NCEH1: variants seen among roughly 807,000 people sequenced by gnomAD.
NCEH1 encodes 2-acetyl MAGE hydrolase.
In NCEH1, 9 loss-of-function variants were observed where a neutral mutation model predicts 25.4. That is an observed-to-expected ratio of 0.35 (90% CI 0.21 to 0.62). NCEH1 has a LOEUF of 0.62. Among genes scored for constraint, NCEH1 ranks in the 20% least tolerant of loss-of-function variants. The pLI, the probability that NCEH1 is intolerant of heterozygous loss-of-function variation, is 0.72. For synonymous variants in NCEH1, 200 were observed against 199.8 expected, an observed-to-expected ratio of 1.00 and a Z score of -0.01; for missense variants, 412 against 501.1, an observed-to-expected ratio of 0.82 and a Z score of 1.70.
intron 1 of NCEH1, among the ~76,000 whole-genome samples, chr3:172,667,809 A>C (rs1246294184): frequency 1.3e-5 from 2 of 152,124 alleles, no homozygotes; most frequent in African/African-American, 2.4e-5. Flanking sequence ...AAAGCAACTC[A>C]TTTTCTTTTA....
intron 1 of NCEH1, among the ~76,000 whole-genome samples, chr3:172,708,136 T>C: frequency 8.6e-6 from 1 of 115,968 alleles, no homozygotes; most frequent in East Asian, 3.7e-4. Flanking sequence ...TCTGACTCAC[T>C]GCACAAGATA....
At chr3:172,641,835 A>T (rs1716865847) in intron 3 of NCEH1, among the ~76,000 whole-genome samples, 1 of 152,116 alleles carries the variant, frequency 6.6e-6, no homozygotes, top group Non-Finnish European at 1.5e-5. Flanking sequence ...GGTTCTGCTC[A>T]TTCTTAGGGG....
At chr3:172,656,127 T>C (rs1470351878) in intron 1 of NCEH1, among the ~76,000 whole-genome samples, 1 of 152,122 alleles carries the variant, frequency 6.6e-6, no homozygotes, top group Non-Finnish European at 1.5e-5. Flanking sequence ...AAAATCATAT[T>C]GTAATGGGTT....
At chr3:172,701,131 C>T (rs1017985991) in intron 1 of NCEH1, among the ~76,000 whole-genome samples, 1 of 152,192 alleles carries the variant, frequency 6.6e-6, no homozygotes, top group African/African-American at 2.4e-5. Flanking sequence ...CAGCCCAGCT[C>T]TGTCTCCTGA....
At chr3:172,678,504 T>C (rs140516913) in intron 1 of NCEH1, among the ~76,000 whole-genome samples, 54 of 152,324 alleles carry the variant, frequency 3.5e-4, no homozygotes, top group African/African-American at 1.2e-3. Flanking sequence ...AAACGTTTAG[T>C]CTATTGAAAG....
rs1481559779 is a variant in NCEH1, at chr3:172,632,671, C to G, written c.*804G>C. 1 of 152,328 alleles carries G rather than the reference C, an allele frequency of 6.6e-6. No individual in the cohort carries two copies. Among genetic ancestry groups the G allele is most frequent in the Admixed American group, 6.5e-5 (1 of 15,278 alleles). The allele number at this position is 152,328 out of a possible 1,614,324, so 9.4% of individuals were successfully genotyped here. On this transcript the variant is annotated 3_prime_UTR_variant, in exon 5 of 5. Transcript: ENST00000475381. The stretch of plus-strand genomic sequence containing the variant: ...AGGTTGTTTCATTTGTCTGTTTTTA[C>G]TTGCTCTATAATGAAAAGTTTACTC...
chr3:172,634,051 T>G lies in NCEH1; in HGVS notation c.651A>C (p.Gln217His). The change falls in exon 5 of 5, where the codon CAA (glutamine) becomes CAC (histidine). Residue 217 changes from glutamine (Q) to histidine (H), a missense_variant. Coordinates refer to ENST00000475381, the MANE Select transcript of NCEH1 (RefSeq NM_020792.6). ...DASLKNKLKL[Q>H]ALIYPVLQAL... The stretch of plus-strand genomic sequence containing the variant: ...CTTGAAGAACTGGATAAATTAAAGC[T>G]TGTAGTTTGAGCTTATTTTTTAGGC... 1 of 1,614,046 alleles carries G rather than the reference T, an allele frequency of 6.2e-7. No individual in the cohort carries two copies. Among genetic ancestry groups the G allele is most frequent in the South Asian group, 1.1e-5 (1 of 91,038 alleles).
At chr3:172,681,500 T>C (rs1712373963) in intron 1 of NCEH1, among the ~76,000 whole-genome samples, 1 of 151,990 alleles carries the variant, frequency 6.6e-6, no homozygotes, top group Admixed American at 6.6e-5. Context: ...GATTGCAAAT[T>C]GAGGCCTTTA....
chr3:172,633,459 T>C lies in NCEH1; in HGVS notation c.*16A>G. 3.7e-6 allele frequency: 6 copies of C among 1,604,522 alleles called. No homozygotes were observed. Among genetic ancestry groups the C allele is most frequent in the Non-Finnish European group, 5.1e-6 (6 of 1,174,252 alleles). ...GAGGTCAAGAGGGGCTCGAGGCTTC[T>C]GGAAGTTTTGCTCCTTTACAGGTTT... On this transcript the variant is annotated 3_prime_UTR_variant, in exon 5 of 5. Transcript: ENST00000475381.
chr3:172,679,917 G>A (rs905654907), intron 1 of NCEH1, among the ~76,000 whole-genome samples: 30 of 152,032 alleles, frequency 2.0e-4, no homozygotes, highest in Non-Finnish European at 3.4e-4. Flanking sequence ...CAGGCTACGT[G>A]AATGACACAC....
intron 1 of NCEH1, among the ~76,000 whole-genome samples, chr3:172,650,014 G>A (rs1006412970): frequency 3.9e-5 from 6 of 152,148 alleles, no homozygotes; most frequent in African/African-American, 1.4e-4. Context: ...TTTTATAAGA[G>A]AGCCCACCTC....
intron 1 of NCEH1, among the ~76,000 whole-genome samples, chr3:172,688,068 C>T (rs1712797626): frequency 6.6e-6 from 1 of 151,284 alleles, no homozygotes. Context: ...TGCACAGTGG[C>T]TCACGCCTGT....
chr3:172,672,645 C>A (rs1458690644), intron 1 of NCEH1, among the ~76,000 whole-genome samples: 1 of 152,144 alleles, frequency 6.6e-6, no homozygotes, highest in Non-Finnish European at 1.5e-5. Flanking sequence ...CCTTAGAGAA[C>A]CTCCTGAAGG....
chr3:172,641,216 A>T (rs1347332719), intron 3 of NCEH1, among the ~76,000 whole-genome samples: 1 of 137,282 alleles, frequency 7.3e-6, no homozygotes, highest in Non-Finnish European at 1.6e-5. Context: ...ATAAATGAGG[A>T]TACATCTGCA....
intron 1 of NCEH1, among the ~76,000 whole-genome samples, chr3:172,674,405 T>G (rs1711822640): frequency 7.3e-6 from 1 of 136,306 alleles, no homozygotes; most frequent in African/African-American, 2.8e-5. Flanking sequence ...ATCGCGCCAC[T>G]GCACTCCAGC....
chr3:172,703,397 G>A (rs573512322), intron 1 of NCEH1, among the ~76,000 whole-genome samples: 6 of 151,602 alleles, frequency 4.0e-5, no homozygotes, highest in South Asian at 2.1e-4. Context: ...GCATCATGGC[G>A]GGGGCCTGTA....
At chr3:172,677,368 AGAT>A (rs1712069069) in intron 1 of NCEH1, among the ~76,000 whole-genome samples, 4 of 152,378 alleles carry the variant, frequency 2.6e-5, no homozygotes, top group South Asian at 2.1e-4. Flanking sequence ...AGCCAGATTC[AGAT>A]GATAATAAAT....
At chr3:172,679,941 T>A (rs548826456) in intron 1 of NCEH1, among the ~76,000 whole-genome samples, 1 of 152,208 alleles carries the variant, frequency 6.6e-6, no homozygotes, top group South Asian at 2.1e-4. Context: ...GTCAAACCAA[T>A]CTCCTGGGTT....
At chr3:172,706,503 T>C (rs1041311480) in intron 1 of NCEH1, among the ~76,000 whole-genome samples, 6 of 147,400 alleles carry the variant, frequency 4.1e-5, no homozygotes, top group Admixed American at 2.0e-4. Flanking sequence ...ATTTTTCTTT[T>C]TTTTTTTTTT....
Sources: allele counts gnomAD v4.1 joint callset (sites outside exome capture counted in the v4.1 genomes callset), GRCh38; gene constraint gnomAD v4.1.1; transcripts MANE v1.5; gene names NCBI Gene and HGNC (gene_info 2026-07-23, HGNC 2026-07-21).